The following INCENP variants were observed in gnomAD, a reference collection of about 807,000 sequenced individuals.
INCENP encodes the protein inner centromere protein, also known as binds and activates aurora-B and -C in vivo and in vitro.
In INCENP, 43 loss-of-function variants were observed where a neutral mutation model predicts 107.3. That is an observed-to-expected ratio of 0.40 (90% CI 0.31 to 0.52). INCENP has a LOEUF of 0.52. Ranked by LOEUF, INCENP falls within the 20% of genes least tolerant of loss-of-function variation. INCENP has a pLI of 0.53. For missense variants in INCENP, 1,089 were observed against 1,250.9 expected, an observed-to-expected ratio of 0.87 and a Z score of 1.95; for synonymous variants, 488 against 494.4, an observed-to-expected ratio of 0.99 and a Z score of 0.17.
intron 8 of INCENP, 25 bp downstream of exon 8, chr11:62,140,310 A>G (rs2134651407): frequency 6.2e-7 from 1 of 1,605,834 alleles, no homozygotes; most frequent in Non-Finnish European, 8.5e-7. Context: ...AGGGGTGTGT[A>G]GGTAACTCTG....
chr11:62,138,817 G>A (rs1271144535), intron 6 of INCENP, 47 bp downstream of exon 6: 21 of 1,607,120 alleles, frequency 1.3e-5, no homozygotes, highest in East Asian at 2.2e-5. Flanking sequence ...TGGGGCTCCC[G>A]CTCTGCACTA....
intron 4 of INCENP, among the ~76,000 whole-genome samples, chr11:62,136,696 T>G (rs1370185846): frequency 6.6e-6 from 1 of 151,690 alleles, no homozygotes. Flanking sequence ...AGAAAAAAAA[T>G]TAGTACTTTT....
intron 11 of INCENP, among the ~76,000 whole-genome samples, chr11:62,142,246 G>A (rs1944140804): frequency 6.6e-6 from 1 of 152,232 alleles, no homozygotes; most frequent in Non-Finnish European, 1.5e-5. Flanking sequence ...GTGACAGCCG[G>A]GAGGGCTTCT....
intron 15 of INCENP, among the ~76,000 whole-genome samples, chr11:62,147,614 C>T (rs960451160): frequency 6.6e-6 from 1 of 152,178 alleles, no homozygotes; most frequent in Non-Finnish European, 1.5e-5. Context: ...ATGCAGGCCC[C>T]GTAGCTGTTC....
intron 4 of INCENP, among the ~76,000 whole-genome samples, chr11:62,133,790 T>G (rs533455061): frequency 3.6e-4 from 55 of 152,236 alleles, no homozygotes; most frequent in African/African-American, 1.3e-3. Flanking sequence ...CCCATGACTG[T>G]CAGCCCGGCG....
At chr11:62,132,345 G>A (rs187008416) in intron 4 of INCENP, among the ~76,000 whole-genome samples, 136 of 152,318 alleles carry the variant, frequency 8.9e-4, no homozygotes, top group Non-Finnish European at 1.1e-3. Context: ...GTGCAAGGCC[G>A]CAGGGCAGGG....
At chr11:62,149,276 G>A (rs1409792424) in intron 17 of INCENP, among the ~76,000 whole-genome samples, 2 of 151,644 alleles carry the variant, frequency 1.3e-5, no homozygotes. Flanking sequence ...TTTTCACTTA[G>A]TATATTATAG....
At chr11:62,133,742 C>A (rs896463813) in intron 4 of INCENP, among the ~76,000 whole-genome samples, 5 of 152,330 alleles carry the variant, frequency 3.3e-5, no homozygotes, top group Admixed American at 2.0e-4. Context: ...GAGGATGTAT[C>A]TTCTGGGTAT....
intron 14 of INCENP, 124 bp downstream of exon 14, chr11:62,145,875 TAAG>T (rs1944232373): frequency 3.2e-6 from 4 of 1,252,722 alleles, no homozygotes; most frequent in Admixed American, 2.9e-5. Flanking sequence ...TGCTTCATGC[TAAG>T]AAGGAGGTTT....
chr11:62,125,246 C>G (rs3867137), intron 1 of INCENP, among the ~76,000 whole-genome samples: 82,988 of 152,114 alleles, frequency 0.55, 24,397 homozygotes, highest in Non-Finnish European at 0.67. Context: ...CTTTTTAAAT[C>G]GTTGCGCTAA....
chr11:62,142,350 C>T (rs1944142823), intron 11 of INCENP, among the ~76,000 whole-genome samples: 1 of 152,222 alleles, frequency 6.6e-6, no homozygotes, highest in Non-Finnish European at 1.5e-5. Flanking sequence ...GGCCTGTTCC[C>T]CTCTTGTTGG....
intron 11 of INCENP, among the ~76,000 whole-genome samples, chr11:62,142,513 G>A (rs1944146732): frequency 6.6e-6 from 1 of 152,236 alleles, no homozygotes; most frequent in African/African-American, 2.4e-5. Context: ...TAGTGGGTGG[G>A]GACAGTCCAT....
In INCENP at chr11:62,145,027, G is replaced by C; in HGVS notation, c.1651G>C (p.Ala551Pro). Residue 551 changes from alanine (A) to proline (P), a missense_variant, in exon 12 of 19, where the codon GCC (alanine) becomes CCC (proline). Physicochemically the swap from Ala to Pro is conservative, Grantham distance 27. Coordinates refer to ENST00000394818, the MANE Select transcript of INCENP (RefSeq NM_001040694.2). Reference sequence around the variant, plus strand: ...GGAGAATCTGCGGCGGAAGGAGGAGGCCGAGCAGCTGCGCAGGCAGAAGGT... The same window carrying C: ...GGAGAATCTGCGGCGGAAGGAGGAGCCCGAGCAGCTGCGCAGGCAGAAGGT... ...RLENLRRKEE[A>P]EQLRRQKVEE... 1 of 1,609,604 alleles carries C rather than the reference G, an allele frequency of 6.2e-7. No individual in the cohort carries two copies. Among genetic ancestry groups the C allele is most frequent in the Non-Finnish European group, 8.5e-7 (1 of 1,178,744 alleles).
chr11:62,139,654 A>G (rs1174087419), intron 7 of INCENP, among the ~76,000 whole-genome samples: 1 of 152,048 alleles, frequency 6.6e-6, no homozygotes, highest in East Asian at 1.9e-4. Flanking sequence ...ACAAAACAAT[A>G]CTGACCCTAC....
At chr11:62,126,153 T>G (rs1432589017) in intron 1 of INCENP, among the ~76,000 whole-genome samples, 1 of 151,850 alleles carries the variant, frequency 6.6e-6, no homozygotes, top group African/African-American at 2.4e-5. Context: ...AATTTATCCC[T>G]TCCTTACAAG....
At chr11:62,143,216 T>C (rs1214276361) in intron 11 of INCENP, among the ~76,000 whole-genome samples, 1 of 152,230 alleles carries the variant, frequency 6.6e-6, no homozygotes, top group African/African-American at 2.4e-5. Flanking sequence ...CAGCTTTTCT[T>C]CAACTGCTGC....
chr11:62,142,843 C>G (rs1280416347), intron 11 of INCENP, among the ~76,000 whole-genome samples: 1 of 152,202 alleles, frequency 6.6e-6, no homozygotes, highest in African/African-American at 2.4e-5. Flanking sequence ...TAATTAGGAT[C>G]AGATCCTAGC....
intron 16 of INCENP, 58 bp from the exon 17 acceptor site, chr11:62,148,681 A>T (rs1179536981): frequency 7.9e-7 from 1 of 1,272,280 alleles, no homozygotes; most frequent in Non-Finnish European, 1.1e-6. Context: ...AGGGAAGGGG[A>T]GGGGAGGGAA....
In INCENP at chr11:62,128,789, G is replaced by C. The variant is rs1460360795; in HGVS notation, c.160G>C (p.Glu54Gln). Residue 54 changes from glutamate (E) to glutamine (Q), a missense_variant, in exon 3 of 19, where the codon GAG becomes CAG. Physicochemically the swap from Glu to Gln is conservative, Grantham distance 29. Transcript: ENST00000394818. ...AAACAGAGAATTCAGCAAAGAGCCA[G>C]AGCTGATGCCCAAAACACCTTCTCA... is the stretch of plus-strand genomic sequence containing the variant. ...MFTREFSKEPELMPKTPSQKN... is the reference protein window; with the variant it reads ...MFTREFSKEPQLMPKTPSQKN... The C allele has an allele frequency of 1.9e-6, 3 of 1,613,884 alleles. No individual in the cohort carries two copies. The highest frequency in any genetic ancestry group is 1.7e-6 in the Non-Finnish European group (2 of 1,179,740).
Sources: allele counts gnomAD v4.1 joint callset (sites outside exome capture counted in the v4.1 genomes callset), GRCh38; gene constraint gnomAD v4.1.1; transcripts MANE v1.5; gene names NCBI Gene and HGNC (gene_info 2026-07-23, HGNC 2026-07-21).